Variants in ARFGAP2 observed in about 807,000 individuals in gnomAD.
The protein encoded by ARFGAP2 is ARF GTPase activating protein 2.
ARFGAP2 carries 45 observed loss-of-function variants against 71.9 expected under a neutral mutation model. The ratio of observed to expected loss-of-function variants is 0.63; its 90% CI spans 0.49 to 0.80. The LOEUF (loss-of-function observed/expected upper bound fraction) is 0.80. ARFGAP2 is among the 30% of genes least tolerant of loss of function. The probability of loss-of-function intolerance (pLI) is 0.00; values close to 1 mark genes in which losing one functional copy is unlikely to be tolerated. For missense variants in ARFGAP2, 633 were observed against 673.9 expected (o/e 0.94, Z 0.67); for synonymous variants, 248 against 249.2 (o/e 1.00, Z 0.05).
intron 15 of ARFGAP2, 103 bp downstream of exon 15, chr11:47,166,165 A>C (rs1952366294): frequency 8.1e-7 from 1 of 1,237,010 alleles, no homozygotes; most frequent in Non-Finnish European, 1.2e-6. Context: ...CCCGGCCGAA[A>C]ATGCTCTTAA....
chr11:47,170,686 G>A (rs1952566088), intron 10 of ARFGAP2, among the ~76,000 whole-genome samples: 2 of 152,104 alleles, frequency 1.3e-5, no homozygotes, highest in African/African-American at 4.8e-5. Flanking sequence ...CAGACATGGT[G>A]GCTCACATCT....
At chr11:47,166,946 A>G (rs1348027989) in intron 12 of ARFGAP2, 60 bp from the exon 13 acceptor site, 80 of 1,575,486 alleles carry the variant, frequency 5.1e-5, no homozygotes, top group Non-Finnish European at 1.6e-5. Context: ...GAGGCAGAGT[A>G]CAGAGGCCAA....
chr11:47,166,739 A>G (rs773956466), intron 13 of ARFGAP2, 21 bp downstream of exon 13: 23 of 1,610,130 alleles, frequency 1.4e-5, no homozygotes, highest in Non-Finnish European at 2.0e-5. Context: ...CTCGGACCTC[A>G]GGGCAGACAG....
Position 47,165,177 on chromosome 11 carries a change from C to T in ARFGAP2, c.*305G>A. ...CCCAGAATAAGCCATCGTGGGGGAA[C>T]CCCCTTTCCCAGTATGGCAGGATAA... On this transcript the variant is annotated 3_prime_UTR_variant, in exon 16 of 16. Coordinates refer to ENST00000524782, the MANE Select transcript of ARFGAP2 (RefSeq NM_032389.6). 2.7e-6 allele frequency: 1 copy of T among 375,762 alleles called. No homozygotes were observed. The highest frequency in any genetic ancestry group is 4.7e-6 in the Non-Finnish European group (1 of 211,068). 23.3% of individuals were successfully genotyped at this position (375,762 alleles called of 1,614,324 possible). A position where few individuals can be genotyped will look rare whatever the true frequency, so the allele number is the denominator to read the frequency against.
intron 2 of ARFGAP2, chr11:47,176,296 CAAA>C: frequency 1.7e-6 from 1 of 599,710 alleles, no homozygotes; most frequent in African/African-American, 1.9e-5. Flanking sequence ...GCCTGACCGT[CAAA>C]AAAGAGGAAG....
At position 47,175,963 on chromosome 11, in the gene ARFGAP2, A is replaced by G. The variant is rs199837923; in HGVS notation, c.192-40T>C. 164 of 1,607,940 alleles carry G rather than the reference A, an allele frequency of 1.0e-4. 1 individual carries two copies. The Middle Eastern group carries it at 1.2e-3, about 12-fold the overall frequency. ...TGCGTCTCACCCACTAGCAGATACCAGCAGGATTTCCCTGGCAACCCGGAT... is the reference window on the plus strand; with the variant it reads ...TGCGTCTCACCCACTAGCAGATACCGGCAGGATTTCCCTGGCAACCCGGAT... On this transcript the variant is annotated intron_variant, in intron 2 of 15. Transcript: ENST00000524782.
intron 1 of ARFGAP2, 36 bp downstream of exon 1, chr11:47,176,746 G>A: frequency 6.2e-7 from 1 of 1,613,484 alleles, no homozygotes; most frequent in Non-Finnish European, 8.5e-7. Flanking sequence ...AGGCCCCAGC[G>A]GGACGAGAGA....
At chr11:47,176,242 G>A (rs1474964836) in intron 2 of ARFGAP2, 2 of 587,452 alleles carry the variant, frequency 3.4e-6, no homozygotes, top group South Asian at 2.1e-5. Context: ...GCAACAACAA[G>A]GTCAATGCCT....
In ARFGAP2 at chr11:47,175,008, C is replaced by T. The variant is rs773837016; in HGVS notation, c.480+7G>A. 1.2e-6 allele frequency: 2 copies of T among 1,613,866 alleles called. No homozygotes were observed. Among genetic ancestry groups the T allele is most frequent in the Admixed American group, 1.7e-5 (1 of 59,974 alleles). The stretch of plus-strand genomic sequence containing the variant: ...AACTGGGAAAACGGTTCCTTGTGGG[C>T]ACTCACTTGAGTGTGTTCTGTGAAG... On this transcript the variant is annotated splice_region_variant and intron_variant, in intron 5 of 15. Transcript: ENST00000524782.
chr11:47,172,222 A>G (rs1319766208), intron 8 of ARFGAP2, 59 bp downstream of exon 8: 1 of 1,554,856 alleles, frequency 6.4e-7, no homozygotes, highest in South Asian at 1.1e-5. Context: ...CAAGGAGTGA[A>G]CCCAGGTAGC....
Position 47,165,435 on chromosome 11 carries a change from A to C in ARFGAP2, c.*47T>G. On this transcript the variant is annotated 3_prime_UTR_variant, in exon 16 of 16. Transcript: ENST00000524782. ...AGCATCCCCAGCCTGGGAACTGTGG[A>C]GTTCTTGTTGCCGTCACCATCGTAA... 1 of 1,560,622 alleles carries C rather than the reference A, an allele frequency of 6.4e-7. No individual in the cohort carries two copies. The highest frequency in any genetic ancestry group is 8.7e-7 in the Non-Finnish European group (1 of 1,153,796).
In ARFGAP2 at chr11:47,175,187, T is replaced by C. The variant is rs1035156810; in HGVS notation, c.391A>G (p.Thr131Ala). The change falls in exon 4 of 16, where the codon ACT (threonine) becomes GCT (alanine). Residue 131 changes from threonine (T) to alanine (A), a missense_variant. By Grantham distance (58) the Thr-to-Ala change is moderately conservative. Transcript: ENST00000524782. ...LGSAALARHG[T>A]DLWIDNMSSA... The stretch of plus-strand genomic sequence containing the variant: ...CCCCAAGAACAGGCACTTACATCAG[T>C]GCCATGCCTAGCCAGGGCCGCACTC... 2 of 1,614,176 alleles carry C rather than the reference T, an allele frequency of 1.2e-6. No individual in the cohort carries two copies. Among genetic ancestry groups the C allele is most frequent in the Non-Finnish European group, 1.7e-6 (2 of 1,180,018 alleles).
intron 14 of ARFGAP2, 42 bp downstream of exon 14, chr11:47,166,464 C>G (rs1334365635): frequency 1.2e-6 from 2 of 1,611,822 alleles, no homozygotes; most frequent in African/African-American, 2.7e-5. Context: ...CCGCCCTGCT[C>G]CCAGGCCTCA....
chr11:47,168,076 T>C, intron 11 of ARFGAP2, 33 bp from the exon 12 acceptor site: 3 of 1,614,134 alleles, frequency 1.9e-6, no homozygotes, highest in Non-Finnish European at 2.5e-6. Flanking sequence ...CAGAGAAGCC[T>C]GATGAGGAAC....
At chr11:47,175,809 A>C (rs1428036285) in intron 3 of ARFGAP2, 42 bp downstream of exon 3, 2 of 1,611,624 alleles carry the variant, frequency 1.2e-6, no homozygotes, top group Non-Finnish European at 1.7e-6. Context: ...GTTAGTAACC[A>C]GGCAGAAGAA....
At position 47,176,836 on chromosome 11, in the gene ARFGAP2, G is replaced by T. The variant is rs775559343; in HGVS notation, c.18C>A (p.Asn6Lys). 6.2e-7 allele frequency: 1 copy of T among 1,613,660 alleles called. No individual in the cohort carries two copies. Among genetic ancestry groups the T allele is most frequent in the Non-Finnish European group, 8.5e-7 (1 of 1,180,006 alleles). ...TAAAAAGAGTCTGGATTTCGGTCTT[G>T]TTCGGCTCCGCCGCCATTTTCTCTC... MAAEP[N>K]KTEIQTLFKR... is the part of the protein sequence containing the mutation. Residue 6 changes from asparagine (N) to lysine (K), a missense_variant, in exon 1 of 16, where the codon AAC becomes AAA. Asn to Lys is a moderately conservative substitution (Grantham distance 94, BLOSUM62 0). Transcript: ENST00000524782.
intron 15 of ARFGAP2, 94 bp from the exon 16 acceptor site, chr11:47,165,596 C>A: frequency 7.4e-7 from 1 of 1,348,602 alleles, no homozygotes; most frequent in Non-Finnish European, 9.9e-7. Context: ...CAGCACCCCA[C>A]AGCAAGACTG....
intron 8 of ARFGAP2, 50 bp downstream of exon 8, chr11:47,172,231 G>A: frequency 1.3e-6 from 2 of 1,578,662 alleles, no homozygotes; most frequent in Non-Finnish European, 1.7e-6. Context: ...AACCCAGGTA[G>A]CCTGCACCCA....
chr11:47,171,477 C>T lies in ARFGAP2; in HGVS notation c.890G>A (p.Gly297Glu), dbSNP rs2135429783. Residue 297 changes from glycine (G) to glutamate (E), a missense_variant, in exon 10 of 16, where the codon GGG becomes GAG. Transcript: ENST00000524782. ...CCTTTCTGCCTGCTCTCGCTTCTTC[C>T]CTTCCAGATTCTGTAGCTTCTTTTC... ...KEEKKLQNLEGKKREQAERLG... is the reference protein window; with the variant it reads ...KEEKKLQNLEEKKREQAERLG... 6.2e-7 allele frequency: 1 copy of T among 1,614,232 alleles called. No homozygotes were observed. The highest frequency in any genetic ancestry group is 8.5e-7 in the Non-Finnish European group (1 of 1,180,042).
Sources: gnomAD v4.1 joint callset for allele counts (sites outside exome capture counted in the v4.1 genomes callset) on GRCh38, gnomAD v4.1.1 for gene constraint, MANE v1.5 for transcripts, NCBI Gene and HGNC (gene_info 2026-07-23, HGNC 2026-07-21) for gene names.